Variants in ELF2 observed in about 807,000 individuals in gnomAD.
The protein encoded by ELF2 is ETS-related transcription factor Elf-2.
A neutral mutation model predicts 54.8 loss-of-function variants in ELF2; 11 were observed. The observed-to-expected ratio is 0.20, with a 90% CI of 0.13 to 0.33. ELF2 has a LOEUF of 0.33. Ranked by LOEUF, ELF2 falls within the 10% of genes least tolerant of loss-of-function variation. The pLI is 1.00. For synonymous variants in ELF2, 203 were observed against 245.1 expected (o/e 0.83, Z 1.61); for missense variants, 513 against 703.0 (o/e 0.73, Z 3.06).
intron 1 of ELF2, among the ~76,000 whole-genome samples, chr4:139,171,232 T>C (rs1043353324): frequency 1.3e-5 from 2 of 151,794 alleles, no homozygotes; most frequent in Non-Finnish European, 2.9e-5. Flanking sequence ...CTACAAAAAA[T>C]AAAAATAAAA....
intron 4 of ELF2, among the ~76,000 whole-genome samples, chr4:139,092,408 AT>A (rs770871862): frequency 0.031 from 2,125 of 67,692 alleles, 85 homozygotes; most frequent in African/African-American, 0.046. Context: ...ATAACATAAC[AT>A]AACATACATA....
At chr4:139,075,555 G>A (rs1730185678) in intron 4 of ELF2, among the ~76,000 whole-genome samples, 1 of 152,148 alleles carries the variant, frequency 6.6e-6, no homozygotes, top group African/African-American at 2.4e-5. Context: ...TCAGCCTCCT[G>A]AGTAGCTGGG....
intron 6 of ELF2, among the ~76,000 whole-genome samples, 162 bp downstream of exon 6, chr4:139,071,704 T>C (rs571277986): frequency 7.9e-5 from 12 of 152,302 alleles, no homozygotes; most frequent in African/African-American, 2.6e-4. Flanking sequence ...TACGTTAAAA[T>C]ACTAAATTTA....
intron 4 of ELF2, among the ~76,000 whole-genome samples, chr4:139,091,422 C>T (rs972506765): frequency 1.1e-4 from 16 of 151,840 alleles, no homozygotes; most frequent in African/African-American, 3.9e-4. Context: ...ATGGAAAAAG[C>T]AACATAGCAA....
intron 3 of ELF2, among the ~76,000 whole-genome samples, chr4:139,125,639 T>C (rs941927680): frequency 1.3e-5 from 2 of 152,056 alleles, no homozygotes; most frequent in African/African-American, 4.8e-5. Context: ...AAAGACTCTT[T>C]TATACCTAAA....
At chr4:139,084,444 C>CGGT in intron 4 of ELF2, 1 of 1,146,340 alleles carries the variant, frequency 8.7e-7, no homozygotes, top group Non-Finnish European at 1.1e-6. Flanking sequence ...GCAGGGGCGG[C>CGGT]GGCGGCGGCG....
chr4:139,171,079 T>C (rs1460673132), intron 1 of ELF2, among the ~76,000 whole-genome samples: 1 of 152,048 alleles, frequency 6.6e-6, no homozygotes, highest in Non-Finnish European at 1.5e-5. Flanking sequence ...GCAAAAGATC[T>C]GAATAGTGAT....
intron 1 of ELF2, among the ~76,000 whole-genome samples, chr4:139,163,022 C>A (rs1251965052): frequency 6.6e-6 from 1 of 152,056 alleles, no homozygotes; most frequent in African/African-American, 2.4e-5. Context: ...CCCTTGACCC[C>A]AGAGTTCAAG....
At chr4:139,171,608 A>AC (rs1294273662) in intron 1 of ELF2, among the ~76,000 whole-genome samples, 1 of 128,612 alleles carries the variant, frequency 7.8e-6, no homozygotes, top group Non-Finnish European at 1.6e-5. Context: ...AGAGAAAAAA[A>AC]CAAAAAAAAA....
chr4:139,098,491 C>T (rs1230974918), intron 4 of ELF2, among the ~76,000 whole-genome samples: 3 of 142,818 alleles, frequency 2.1e-5, no homozygotes, highest in Admixed American at 7.1e-5. Flanking sequence ...TTTTTTGAGA[C>T]AGAGCTTCAC....
In ELF2 at chr4:139,144,353, A is replaced by G. The variant is rs144184918; in HGVS notation, c.-251-4856T>C. On this transcript the variant is annotated intron_variant, in intron 1 of 9. Transcript: ENST00000686138. ...GCCTTGTGCGTATTCCCGGTCTCCA[A>G]CGCAAACCAAGGGAAGCTATTCCTG... is the stretch of plus-strand genomic sequence containing the variant. Among the ~76,000 whole-genome samples, 265 of 152,338 alleles carry G rather than the reference A, an allele frequency of 1.7e-3. 2 individuals are homozygous for G. The highest frequency in any genetic ancestry group is 6.1e-3 in the African/African-American group (254 of 41,584).
At position 139,084,623 on chromosome 4, in the gene ELF2, G is replaced by C. The variant is rs201048293; in HGVS notation, c.239-11056C>G. On this transcript the variant is annotated intron_variant, in intron 4 of 9. Transcript: ENST00000686138. ...GAGCCGCGCGAGGACACAGCCCCTC[G>C]GCAGGAAGAGGCACATTTCACGCTC... 14 of 162,478 alleles carry C rather than the reference G, an allele frequency of 8.6e-5. No homozygotes were observed. In the East Asian group the frequency reaches 2.2e-3, roughly 26 times the overall value. 10.1% of individuals were successfully genotyped at this position (162,478 alleles called of 1,614,324 possible).
rs1213870458 is a variant in ELF2 at position 139,137,861 on chromosome 4, A to G, written c.-160T>C. The G allele has an allele frequency of 7.6e-7, 1 of 1,311,896 alleles. No individual in the cohort carries two copies. The highest frequency in any genetic ancestry group is 9.7e-7 in the Non-Finnish European group (1 of 1,030,796). 81.3% of individuals were successfully genotyped at this position (1,311,896 alleles called of 1,614,324 possible). On this transcript the variant is annotated 5_prime_UTR_variant, in exon 3 of 10. Transcript: ENST00000686138. The stretch of plus-strand genomic sequence containing the variant: ...TCCAGTCTTCTAAAGATGATTAACC[A>G]GAAAGCCTAAAAAGAGGAAGAATTT...
intron 4 of ELF2, among the ~76,000 whole-genome samples, chr4:139,114,561 T>TCCAGTCACACACACACACACACACACA (rs70940492): frequency 1.9e-4 from 21 of 108,642 alleles, no homozygotes; most frequent in Middle Eastern, 4.4e-3. Flanking sequence ...GACTTCAGTC[T>TCCAGTCACACACACACACACACACACA]CACACACACA....
intron 4 of ELF2, among the ~76,000 whole-genome samples, chr4:139,105,734 G>A (rs563872276): frequency 1.3e-5 from 2 of 152,202 alleles, no homozygotes; most frequent in African/African-American, 4.8e-5. Context: ...AAAAAGAAAT[G>A]ATAAAAAAAT....
chr4:139,166,605 A>C (rs1211858892), intron 1 of ELF2, among the ~76,000 whole-genome samples: 3 of 152,198 alleles, frequency 2.0e-5, no homozygotes, highest in Non-Finnish European at 4.4e-5. Flanking sequence ...ACGGTGGCTC[A>C]CGCCTGTAAT....
At chr4:139,114,879 G>C (rs540582196) in intron 4 of ELF2, 3 of 1,606,726 alleles carry the variant, frequency 1.9e-6, no homozygotes, top group East Asian at 2.2e-5. Flanking sequence ...TACGAGGTTG[G>C]GGGGCAGCGA....
chr4:139,088,721 A>AG (rs766099867), intron 4 of ELF2, among the ~76,000 whole-genome samples: 7 of 151,360 alleles, frequency 4.6e-5, no homozygotes, highest in Non-Finnish European at 1.5e-5. Context: ...TCCCCCCACT[A>AG]GGGGGATAAA....
At chr4:139,091,307 T>A (rs1184156628) in intron 4 of ELF2, among the ~76,000 whole-genome samples, 1 of 152,104 alleles carries the variant, frequency 6.6e-6, no homozygotes, top group Non-Finnish European at 1.5e-5. Context: ...AGAAACGAAT[T>A]ACAATAAAAA....
Sources: allele counts gnomAD v4.1 joint callset (sites outside exome capture counted in the v4.1 genomes callset), GRCh38; gene constraint gnomAD v4.1.1; transcripts MANE v1.5; gene names NCBI Gene and HGNC (gene_info 2026-07-23, HGNC 2026-07-21).